The following KANK1 variants were observed in gnomAD, a reference collection of about 807,000 sequenced individuals.
The protein encoded by KANK1 is KN motif and ankyrin repeat domain-containing protein 1.
Under a neutral mutation model 106.2 loss-of-function variants are expected in KANK1, and 109 were observed. The observed-to-expected ratio is 1.03, with a 90% CI of 0.88 to 1.20. The LOEUF (loss-of-function observed/expected upper bound fraction) is 1.20, where lower values mean the gene tolerates loss of function less well. Among genes scored for constraint, KANK1 ranks in the 50% most tolerant of loss-of-function variants. The pLI is 0.00. For synonymous variants in KANK1, 873 were observed against 652.2 expected, an observed-to-expected ratio of 1.34 and a Z score of -5.16; for missense variants, 2,399 against 1,710.7, an observed-to-expected ratio of 1.40 and a Z score of -7.10.
At position 608,037 on chromosome 9, in the gene KANK1, T is replaced by A. The variant is rs9697120; in HGVS notation, c.-83-68853T>A. On this transcript the variant is annotated intron_variant, in intron 1 of 11. Coordinates refer to ENST00000382297, the MANE Select transcript of KANK1 (RefSeq NM_015158.5). ...AATTATTATTATTATTATTATTATT[T>A]TTTTTTTTTTTGAGACGGAGTCTCG... is the stretch of plus-strand genomic sequence containing the variant. 1.5e-3 allele frequency among the ~76,000 whole-genome samples: 175 copies of A among 114,860 alleles called. 2 individuals are homozygous for A. The highest frequency in any genetic ancestry group is 5.7e-3 in the African/African-American group (156 of 27,422). 75.4% of individuals were successfully genotyped at this position (114,860 alleles called of 152,430 possible).
At chr9:538,249 AT>A (rs1415113008) in intron 1 of KANK1, among the ~76,000 whole-genome samples, 13 of 152,140 alleles carry the variant, frequency 8.5e-5, no homozygotes, top group African/African-American at 2.7e-4. Context: ...GTTGCAAAAA[AT>A]GGGGATGTAG....
At chr9:470,932 T>A (rs1043112018) in intron 2 of KANK1, 6 of 152,256 alleles carry the variant, frequency 3.9e-5, no homozygotes, top group Non-Finnish European at 8.8e-5. Context: ...GACATTCTTA[T>A]CCAAGTAGGT....
intron 1 of KANK1, among the ~76,000 whole-genome samples, chr9:654,107 T>TACTTCAAA (rs1363519376): frequency 5.9e-5 from 9 of 152,192 alleles, no homozygotes; most frequent in Admixed American, 2.0e-4. Context: ...AGATCGTTTT[T>TACTTCAAA]ACTTAAAAGA....
intron 1 of KANK1, among the ~76,000 whole-genome samples, chr9:618,619 C>T (rs984354201): frequency 1.3e-5 from 2 of 152,154 alleles, no homozygotes; most frequent in African/African-American, 4.8e-5. Context: ...CATATTCACT[C>T]CTAGGCATCT....
chr9:586,806 A>AG (rs1823584798), intron 1 of KANK1, among the ~76,000 whole-genome samples: 1 of 152,144 alleles, frequency 6.6e-6, no homozygotes, highest in African/African-American at 2.4e-5. Flanking sequence ...CTTTACCTAA[A>AG]GCAAAAGGGA....
Position 652,801 on chromosome 9 carries a change from A to G in KANK1, c.-83-24089A>G, listed in dbSNP as rs116402215. On this transcript the variant is annotated intron_variant, in intron 1 of 11. Coordinates refer to ENST00000382297, the MANE Select transcript of KANK1 (RefSeq NM_015158.5). ...GTAGTAGAATTACGGCTGATTTTTT[A>G]CTTTCTCTGTCATGCATTTCTTTAT... Among the ~76,000 whole-genome samples the G allele has an allele frequency of 6.4e-3, 978 of 152,320 alleles. 13 individuals are homozygous for G. Among genetic ancestry groups the G allele is most frequent in the African/African-American group, 0.022 (926 of 41,566 alleles).
At chr9:701,661 G>A (rs1409848868) in intron 2 of KANK1, among the ~76,000 whole-genome samples, 3 of 151,990 alleles carry the variant, frequency 2.0e-5, no homozygotes, top group East Asian at 1.9e-4. Context: ...ATGTCCCTTC[G>A]CGGGGGCAAA....
At chr9:533,562 A>T (rs554355374) in intron 1 of KANK1, among the ~76,000 whole-genome samples, 1 of 152,318 alleles carries the variant, frequency 6.6e-6, no homozygotes, top group African/African-American at 2.4e-5. Flanking sequence ...TCTGATTTTT[A>T]TTTGACTTAT....
At chr9:528,030 G>C (rs927412217) in intron 1 of KANK1, among the ~76,000 whole-genome samples, 3 of 151,964 alleles carry the variant, frequency 2.0e-5, no homozygotes, top group Non-Finnish European at 2.9e-5. Context: ...CTACTCGGGA[G>C]GCTGAGGCGG....
At chr9:734,987 G>A in intron 7 of KANK1, 152 bp downstream of exon 7, 1 of 624,574 alleles carries the variant, frequency 1.6e-6, no homozygotes, top group East Asian at 2.8e-5. Context: ...ACATCATGTG[G>A]TCTTGCTCCC....
intron 1 of KANK1, among the ~76,000 whole-genome samples, chr9:553,105 T>TA (rs2061376652): frequency 6.6e-6 from 1 of 152,090 alleles, no homozygotes; most frequent in Non-Finnish European, 1.5e-5. Flanking sequence ...ATGATTGTGT[T>TA]ACTGCACTCC....
intron 1 of KANK1, among the ~76,000 whole-genome samples, chr9:636,066 A>C (rs1246358226): frequency 6.6e-6 from 1 of 152,146 alleles, no homozygotes; most frequent in African/African-American, 2.4e-5. Flanking sequence ...TGATATTCTC[A>C]GACAAATAAA....
chr9:720,723 C>CCCAGCCTCAAACCATCCT (rs1829087020), intron 3 of KANK1, among the ~76,000 whole-genome samples: 1 of 152,184 alleles, frequency 6.6e-6, no homozygotes, highest in Non-Finnish European at 1.5e-5. Context: ...GTCTCAATCT[C>CCCAGCCTCAAACCATCCT]CCAGCCTCAA....
upstream of KANK1, among the ~76,000 whole-genome samples, chr9:504,300 G>A (rs1402943550): frequency 3.9e-5 from 6 of 152,112 alleles, no homozygotes; most frequent in African/African-American, 1.2e-4. Context: ...GCGAACCGCG[G>A]TGGAGGAAGT....
At chr9:591,543 C>T (rs544769731) in intron 1 of KANK1, among the ~76,000 whole-genome samples, 1 of 151,954 alleles carries the variant, frequency 6.6e-6, no homozygotes, top group Non-Finnish European at 1.5e-5. Flanking sequence ...GGTCTCTTCT[C>T]AGTCCAGGGA....
chr9:561,805 G>C (rs1816508432), intron 1 of KANK1, among the ~76,000 whole-genome samples: 1 of 152,196 alleles, frequency 6.6e-6, no homozygotes, highest in African/African-American at 2.4e-5. Context: ...GTCTTACTAT[G>C]TAAGTCACAC....
chr9:735,208 G>C (rs1425709997), intron 7 of KANK1, among the ~76,000 whole-genome samples: 1 of 151,888 alleles, frequency 6.6e-6, no homozygotes, highest in Non-Finnish European at 1.5e-5. Context: ...TTTTTTTTAA[G>C]TTAGCATATG....
chr9:530,270 T>A (rs2059997395), intron 1 of KANK1, among the ~76,000 whole-genome samples: 1 of 152,232 alleles, frequency 6.6e-6, no homozygotes, highest in South Asian at 2.1e-4. Flanking sequence ...TTGGATTTAA[T>A]ATCATGAAGA....
At position 745,194 on chromosome 9, in the gene KANK1, A is replaced by G. The variant is rs1836875958; in HGVS notation, c.4018A>G (p.Lys1340Glu). ...CTAGGGCACCCCTAGGCTTGGAAGG[A>G]AGACGTCTCCTGGCCCCACCCACCG... ...QSPGTPRLGR[K>E]TSPGPTHRGS... The change falls in exon 12 of 12, where the codon AAG becomes GAG. Residue 1340 changes from lysine to glutamate, a missense_variant. Coordinates refer to ENST00000382297, the MANE Select transcript of KANK1 (RefSeq NM_015158.5). 6.2e-7 allele frequency: 1 copy of G among 1,613,992 alleles called. No homozygotes were observed. Among genetic ancestry groups the G allele is most frequent in the African/African-American group, 1.3e-5 (1 of 74,912 alleles).
Sources: gnomAD v4.1 joint callset for allele counts (sites outside exome capture counted in the v4.1 genomes callset) on GRCh38, gnomAD v4.1.1 for gene constraint, MANE v1.5 for transcripts, NCBI Gene and HGNC (gene_info 2026-07-23, HGNC 2026-07-21) for gene names.